CACNB2: variants seen among roughly 807,000 people sequenced by gnomAD.
CACNB2 encodes calcium voltage-gated channel auxiliary subunit beta 2.
Under a neutral mutation model 73.3 loss-of-function variants are expected in CACNB2, and 42 were observed. That is an observed-to-expected ratio of 0.57 (90% CI 0.45 to 0.74). The LOEUF (loss-of-function observed/expected upper bound fraction) is 0.74. Ranked by LOEUF, CACNB2 falls within the 30% of genes least tolerant of loss-of-function variation. The pLI is 0.00. For synonymous variants in CACNB2, 348 were observed against 310.3 expected, an observed-to-expected ratio of 1.12 and a Z score of -1.28; for missense variants, 940 against 853.0, an observed-to-expected ratio of 1.10 and a Z score of -1.27.
chr10:18,455,248 G>GTCAACT (rs1338979373), intron 3 of CACNB2, among the ~76,000 whole-genome samples: 2 of 152,180 alleles, frequency 1.3e-5, no homozygotes, highest in Non-Finnish European at 2.9e-5. Context: ...ACATGTGGGG[G>GTCAACT]CTGGTTGACT....
At chr10:18,261,565 G>A (rs1230265521) in intron 2 of CACNB2, among the ~76,000 whole-genome samples, 1 of 152,088 alleles carries the variant, frequency 6.6e-6, no homozygotes, top group Non-Finnish European at 1.5e-5. Context: ...AATAACTTGC[G>A]CGGGGATTGG....
At chr10:18,278,749 A>C (rs10764392) in intron 2 of CACNB2, among the ~76,000 whole-genome samples, 43 of 152,132 alleles carry the variant, frequency 2.8e-4, no homozygotes, top group African/African-American at 9.6e-4. Context: ...GGGCGCAGTG[A>C]CCACACTTGT....
chr10:18,144,287 C>T (rs1294911167), intron 1 of CACNB2, among the ~76,000 whole-genome samples: 1 of 152,172 alleles, frequency 6.6e-6, no homozygotes, highest in Non-Finnish European at 1.5e-5. Flanking sequence ...ACCATGTTGG[C>T]TAGGCTTGTA....
intron 2 of CACNB2, among the ~76,000 whole-genome samples, chr10:18,360,427 G>C (rs763216199): frequency 3.9e-5 from 6 of 152,088 alleles, no homozygotes; most frequent in Admixed American, 6.6e-5. Context: ...ATCTCACTTT[G>C]TTGCCCGGGC....
At chr10:18,459,280 G>C (rs1564572665) in intron 3 of CACNB2, among the ~76,000 whole-genome samples, 1 of 152,122 alleles carries the variant, frequency 6.6e-6, no homozygotes, top group Non-Finnish European at 1.5e-5. Flanking sequence ...ATTGTCATTT[G>C]CCCCTCCCAG....
At chr10:18,355,699 C>A (rs566781122) in intron 2 of CACNB2, among the ~76,000 whole-genome samples, 1 of 150,716 alleles carries the variant, frequency 6.6e-6, no homozygotes, top group South Asian at 2.1e-4. Flanking sequence ...TACAGTGGCG[C>A]GATCTCGGCT....
At chr10:18,149,107 G>A (rs1255955968) in intron 1 of CACNB2, among the ~76,000 whole-genome samples, 8 of 151,584 alleles carry the variant, frequency 5.3e-5, no homozygotes, top group African/African-American at 9.7e-5. Flanking sequence ...AAAGATTGTC[G>A]CTACACCCCC....
chr10:18,339,303 T>C (rs990752239), intron 2 of CACNB2, among the ~76,000 whole-genome samples: 2 of 152,088 alleles, frequency 1.3e-5, no homozygotes, highest in Non-Finnish European at 2.9e-5. Flanking sequence ...GGCAGATCGC[T>C]TGAGGTCAGG....
intron 3 of CACNB2, among the ~76,000 whole-genome samples, chr10:18,466,983 G>C (rs1364126704): frequency 6.6e-6 from 1 of 152,060 alleles, no homozygotes; most frequent in African/African-American, 2.4e-5. Context: ...GTGAAATCCT[G>C]TCTCTACTAA....
chr10:18,481,493 C>T (rs928841836), intron 3 of CACNB2, among the ~76,000 whole-genome samples: 1 of 151,026 alleles, frequency 6.6e-6, no homozygotes, highest in African/African-American at 2.4e-5. Context: ...GTGATATGCC[C>T]GCCTCGGCAT....
At chr10:18,371,540 T>C (rs565066081) in intron 2 of CACNB2, among the ~76,000 whole-genome samples, 64 of 152,062 alleles carry the variant, frequency 4.2e-4, no homozygotes, top group Admixed American at 1.3e-3. Context: ...ACATGAACTT[T>C]TTTATGGCTG....
At chr10:18,402,200 T>A (rs2044037190) in intron 3 of CACNB2, among the ~76,000 whole-genome samples, 157 bp downstream of exon 3, 1 of 152,172 alleles carries the variant, frequency 6.6e-6, no homozygotes. Context: ...TTTCTTCCCT[T>A]GGTAGAAAAA....
At chr10:18,244,565 C>T (rs1757199) in intron 2 of CACNB2, among the ~76,000 whole-genome samples, 128,375 of 152,216 alleles carry the variant, frequency 0.84, 54,545 homozygotes, top group African/African-American at 0.94. Context: ...CTGATTTCAT[C>T]TGTTAATTTC....
chr10:18,171,521 G>GGAAAAA lies in CACNB2; in HGVS notation c.213+20546_213+20547insGAAAAA, dbSNP rs1185764878. Among the ~76,000 whole-genome samples, 12 of 32,600 alleles carry GGAAAAA rather than the reference G, an allele frequency of 3.7e-4. 3 individuals are homozygous for GGAAAAA. The highest frequency in any genetic ancestry group is 2.9e-4 in the Non-Finnish European group (5 of 17,506). The allele number at this position is 32,600 out of a possible 152,430, so 21.4% of individuals were successfully genotyped here. On this transcript the variant is annotated intron_variant, in intron 2 of 13. Coordinates refer to ENST00000324631, the MANE Select transcript of CACNB2 (RefSeq NM_201596.3). ...TCCCTTCTTCCCGGCTTTGATAGCAGAAAAAAAAAAAAAAAAAAAAAAAAA... is the reference window on the plus strand; with the variant it reads ...TCCCTTCTTCCCGGCTTTGATAGCAGGAAAAAAAAAAAAAAAAAAAAAAAAAAAAAA...
chr10:18,156,767 A>C (rs1279431591), intron 2 of CACNB2, among the ~76,000 whole-genome samples: 1 of 151,972 alleles, frequency 6.6e-6, no homozygotes, highest in Non-Finnish European at 1.5e-5. Flanking sequence ...GGTGGCTCAC[A>C]CCTGTAATCT....
At chr10:18,298,689 T>C (rs2039378077) in intron 2 of CACNB2, among the ~76,000 whole-genome samples, 1 of 152,192 alleles carries the variant, frequency 6.6e-6, no homozygotes. Context: ...TGGTGGACAT[T>C]AGATGTCTTG....
At chr10:18,388,901 C>G (rs1420088756) in intron 2 of CACNB2, among the ~76,000 whole-genome samples, 3 of 152,124 alleles carry the variant, frequency 2.0e-5, no homozygotes, top group Non-Finnish European at 4.4e-5. Flanking sequence ...TTCAGGAGAC[C>G]TGGTCCTTGC....
intron 2 of CACNB2, among the ~76,000 whole-genome samples, chr10:18,314,344 A>G (rs932021616): frequency 1.3e-5 from 2 of 152,200 alleles, no homozygotes; most frequent in African/African-American, 2.4e-5. Context: ...TGAATTGTTC[A>G]TTTTGGATAA....
chr10:18,475,814 A>G (rs1409428567), intron 3 of CACNB2, among the ~76,000 whole-genome samples: 6 of 152,194 alleles, frequency 3.9e-5, no homozygotes, highest in Admixed American at 2.0e-4. Context: ...CCTCTTTAAT[A>G]TGTGGGAACT....
Sources: gnomAD v4.1 joint callset for allele counts (sites outside exome capture counted in the v4.1 genomes callset) on GRCh38, gnomAD v4.1.1 for gene constraint, MANE v1.5 for transcripts, NCBI Gene and HGNC (gene_info 2026-07-23, HGNC 2026-07-21) for gene names.